The following IFNLR1 variants were observed in gnomAD, a reference collection of about 807,000 sequenced individuals.
The protein encoded by IFNLR1 is interferon lambda receptor 1, also known as CRF2-12.
A neutral mutation model predicts 52.5 loss-of-function variants in IFNLR1; 28 were observed. The observed-to-expected ratio is 0.53, with a 90% confidence interval of 0.40 to 0.73. IFNLR1 has a LOEUF of 0.73. IFNLR1 is among the 30% of genes least tolerant of loss of function. The pLI, the probability that IFNLR1 is intolerant of heterozygous loss-of-function variation, is 0.00. For missense variants in IFNLR1, 623 were observed against 659.1 expected (o/e 0.95, Z 0.60); for synonymous variants, 276 against 274.9 (o/e 1.00, Z -0.04).
In IFNLR1 at chr1:24,157,109, G is replaced by A. The variant is rs773177415; in HGVS notation, c.*21C>T. 4 of 1,584,892 alleles carry A rather than the reference G, an allele frequency of 2.5e-6. No individual in the cohort carries two copies. Among genetic ancestry groups the A allele is most frequent in the East Asian group, 2.2e-5 (1 of 44,714 alleles). ...CAAAGGCAGCAGCAGCATCAGATTCGGTGGGATGTCGGGGGACAGCTCACC... is the reference window on the plus strand; with the variant it reads ...CAAAGGCAGCAGCAGCATCAGATTCAGTGGGATGTCGGGGGACAGCTCACC... On this transcript the variant is annotated 3_prime_UTR_variant, in exon 7 of 7. Coordinates refer to ENST00000327535, the MANE Select transcript of IFNLR1 (RefSeq NM_170743.4). The surrounding 1 kb of genome is among the most constrained non-coding windows in gnomAD (Gnocchi z 5.1).
At chr1:24,161,129 T>C (rs1465755940) in intron 4 of IFNLR1, among the ~76,000 whole-genome samples, 1 of 152,180 alleles carries the variant, frequency 6.6e-6, no homozygotes, top group Non-Finnish European at 1.5e-5. Flanking sequence ...TGAGCGAACA[T>C]ACGGCCCATG....
chr1:24,159,728 T>TTTG (rs112101640), intron 4 of IFNLR1, 95 bp from the exon 5 acceptor site: 12,536 of 804,536 alleles, frequency 0.016, 212 homozygotes, highest in East Asian at 0.057. Context: ...GGTAGGGTGT[T>TTTG]TTTTTTTTGT....
At chr1:24,182,917 T>TTAAATAAA (rs1644705550) in intron 1 of IFNLR1, among the ~76,000 whole-genome samples, 1 of 129,800 alleles carries the variant, frequency 7.7e-6, no homozygotes, top group African/African-American at 2.7e-5. Context: ...AGACTCCATC[T>TTAAATAAA]CAAATAAATA....
intron 2 of IFNLR1, among the ~76,000 whole-genome samples, chr1:24,174,102 GTA>G (rs1644608691): frequency 7.9e-6 from 1 of 126,508 alleles, no homozygotes; most frequent in African/African-American, 5.0e-5. Flanking sequence ...TAGGACTGGT[GTA>G]CTTGTAAGAA....
At position 24,169,502 on chromosome 1, in the gene IFNLR1, G is replaced by C. The variant is rs763869080; in HGVS notation, c.282C>G (p.Asn94Lys). The C allele has an allele frequency of 1.9e-6, 3 of 1,614,216 alleles. No homozygotes were observed. Among genetic ancestry groups the C allele is most frequent in the East Asian group, 2.2e-5 (1 of 44,888 alleles). ...MMCLKKQDLY[N>K]KFKGRVRTVS... The stretch of plus-strand genomic sequence containing the variant: ...CCGTCCGCACGCGTCCCTTGAACTT[G>C]TTGTACAGGTCCTGTTTCTTCAGGC... Residue 94 changes from asparagine to lysine, a missense_variant, in exon 3 of 7, where the codon AAC (asparagine) becomes AAG (lysine). Physicochemically the swap from Asn to Lys is moderately conservative, Grantham distance 94. Coordinates refer to ENST00000327535, the MANE Select transcript of IFNLR1 (RefSeq NM_170743.4).
In IFNLR1 at chr1:24,157,272, A is replaced by G. The variant is rs1215421251; in HGVS notation, c.1421T>C (p.Phe474Ser). ...CTCCTCAGGGCTGCTTTCCCAGCAG[A>G]AGGTCAGTGTCTGAAGAGAAACTGG... is the stretch of plus-strand genomic sequence containing the variant. ...GPPVSLQTLT[F>S]CWESSPEEEE... The change falls in exon 7 of 7, where the codon TTC (phenylalanine) becomes TCC (serine). Residue 474 changes from phenylalanine (F) to serine (S), a missense_variant. Coordinates refer to ENST00000327535, the MANE Select transcript of IFNLR1 (RefSeq NM_170743.4). The surrounding 1 kb of genome is among the most constrained non-coding windows in gnomAD (Gnocchi z 5.1). The G allele has an allele frequency of 1.2e-6, 2 of 1,614,078 alleles. No individual in the cohort carries two copies. Among genetic ancestry groups the G allele is most frequent in the East Asian group, 4.5e-5 (2 of 44,860 alleles).
chr1:24,168,627 CATG>C (rs1478602144), intron 3 of IFNLR1, among the ~76,000 whole-genome samples: 1 of 151,686 alleles, frequency 6.6e-6, no homozygotes, highest in Non-Finnish European at 1.5e-5. Flanking sequence ...AATGTCAATA[CATG>C]ATTTCTGCCA....
chr1:24,171,086 T>C (rs1046851599), intron 2 of IFNLR1, among the ~76,000 whole-genome samples: 3 of 152,210 alleles, frequency 2.0e-5, no homozygotes, highest in African/African-American at 7.2e-5. Context: ...TGATAAATGA[T>C]TCCATTCACC....
chr1:24,161,432 A>G (rs1644441589), intron 4 of IFNLR1, 110 bp downstream of exon 4: 1 of 1,267,782 alleles, frequency 7.9e-7, no homozygotes, highest in African/African-American at 1.5e-5. Context: ...GTGTACAGGG[A>G]AGACTTCCTG....
intron 2 of IFNLR1, among the ~76,000 whole-genome samples, chr1:24,176,775 T>C (rs1180557920): frequency 6.6e-6 from 1 of 152,176 alleles, no homozygotes; most frequent in Non-Finnish European, 1.5e-5. Context: ...AGACAAGTAT[T>C]CTCTCCTTTT....
At position 24,157,053 on chromosome 1, in the gene IFNLR1, T is replaced by C. The variant is rs1230605802; in HGVS notation, c.*77A>G. On this transcript the variant is annotated 3_prime_UTR_variant, in exon 7 of 7. Transcript: ENST00000327535. The surrounding 1 kb of genome is among the most constrained non-coding windows in gnomAD (Gnocchi z 5.1). ...CCGCCCAGGGGAGGTACGGAGGCTC[T>C]TGAGTTTCTTGGGAAGCCCAGTAGT... 6.7e-7 allele frequency: 1 copy of C among 1,502,992 alleles called. No individual in the cohort carries two copies. Among genetic ancestry groups the C allele is most frequent in the Non-Finnish European group, 8.9e-7 (1 of 1,119,104 alleles). 93.1% of individuals were successfully genotyped at this position (1,502,992 alleles called of 1,614,324 possible).
Position 24,157,029 on chromosome 1 carries a change from C to A in IFNLR1, c.*101G>T. The A allele has an allele frequency of 7.2e-7, 1 of 1,382,246 alleles. No individual in the cohort carries two copies. Among genetic ancestry groups the A allele is most frequent in the Non-Finnish European group, 9.8e-7 (1 of 1,015,644 alleles). The allele number at this position is 1,382,246 out of a possible 1,614,324, so 85.6% of individuals were successfully genotyped here. ...TCCCGGAAGTGCAATGCCCCTCCGCCGCCCAGGGGAGGTACGGAGGCTCTT... is the reference window on the plus strand; with the variant it reads ...TCCCGGAAGTGCAATGCCCCTCCGCAGCCCAGGGGAGGTACGGAGGCTCTT... On this transcript the variant is annotated 3_prime_UTR_variant, in exon 7 of 7. Coordinates refer to ENST00000327535, the MANE Select transcript of IFNLR1 (RefSeq NM_170743.4). The surrounding 1 kb of genome is among the most constrained non-coding windows in gnomAD (Gnocchi z 5.1).
At chr1:24,183,630 A>G (rs112176256) in intron 1 of IFNLR1, among the ~76,000 whole-genome samples, 197 of 152,320 alleles carry the variant, frequency 1.3e-3, no homozygotes, top group African/African-American at 4.5e-3. Flanking sequence ...CATTCTCCAC[A>G]TAGCAGGAAG....
chr1:24,179,770 C>G (rs1644670234), intron 2 of IFNLR1, among the ~76,000 whole-genome samples: 1 of 152,196 alleles, frequency 6.6e-6, no homozygotes, highest in Non-Finnish European at 1.5e-5. Context: ...TGGCCTGGCA[C>G]AGGACGGGTC....
At chr1:24,180,946 A>C in intron 1 of IFNLR1, 92 bp from the exon 2 acceptor site, 1 of 1,354,500 alleles carries the variant, frequency 7.4e-7, no homozygotes, top group Non-Finnish European at 1.0e-6. Context: ...AAGGGCAAGC[A>C]GGTGCTCACT....
intron 1 of IFNLR1, among the ~76,000 whole-genome samples, chr1:24,185,188 A>G (rs2148605425): frequency 6.6e-6 from 1 of 152,200 alleles, no homozygotes; most frequent in African/African-American, 2.4e-5. Flanking sequence ...AGATGGGAAA[A>G]CCAAGGCCCT....
At chr1:24,159,738 T>TTTTTTTTTTTG in intron 4 of IFNLR1, 105 bp from the exon 5 acceptor site, 3 of 581,536 alleles carry the variant, frequency 5.2e-6, no homozygotes, top group Non-Finnish European at 7.4e-6. Flanking sequence ...TTTTTTTTTG[T>TTTTTTTTTTTG]TTTTTTTTTT....
At chr1:24,170,443 C>G (rs1268091492) in intron 2 of IFNLR1, among the ~76,000 whole-genome samples, 1 of 152,156 alleles carries the variant, frequency 6.6e-6, no homozygotes, top group Non-Finnish European at 1.5e-5. Context: ...TCACTGCAAC[C>G]TCCGCCTCCT....
At chr1:24,184,135 T>A (rs747456444) in intron 1 of IFNLR1, among the ~76,000 whole-genome samples, 3 of 152,186 alleles carry the variant, frequency 2.0e-5, no homozygotes, top group Non-Finnish European at 2.9e-5. Flanking sequence ...TTGCCCTTCC[T>A]GGAGCACCCC....
Sources: allele counts gnomAD v4.1 joint callset (sites outside exome capture counted in the v4.1 genomes callset), GRCh38; gene constraint gnomAD v4.1.1; non-coding constraint Gnocchi (gnomAD v3.1); transcripts MANE v1.5; gene names NCBI Gene and HGNC (gene_info 2026-07-23, HGNC 2026-07-21).